The following RCAN2 variants were observed in gnomAD, a reference collection of about 807,000 sequenced individuals.
RCAN2 encodes regulator of calcineurin 2.
In RCAN2, 9 loss-of-function variants were observed where a neutral mutation model predicts 23.6. The ratio of observed to expected loss-of-function variants is 0.38; its 90% confidence interval spans 0.23 to 0.67. The LOEUF (loss-of-function observed/expected upper bound fraction) is 0.67. Among genes scored for constraint, RCAN2 ranks in the 30% least tolerant of loss-of-function variants. The pLI is 0.51. For synonymous variants in RCAN2, 109 were observed against 115.7 expected (o/e 0.94, Z 0.37); for missense variants, 273 against 302.3 (o/e 0.90, Z 0.72).
At chr6:46,365,813 T>C (rs771266594) in intron 2 of RCAN2, among the ~76,000 whole-genome samples, 10 of 152,326 alleles carry the variant, frequency 6.6e-5, no homozygotes, top group Non-Finnish European at 1.5e-4. Flanking sequence ...TAATTGACTA[T>C]AGTTTAGGAA....
At chr6:46,252,408 T>A (rs2150320666) in intron 2 of RCAN2, among the ~76,000 whole-genome samples, 1 of 152,312 alleles carries the variant, frequency 6.6e-6, no homozygotes, top group South Asian at 2.1e-4. Context: ...CGATCGTTAG[T>A]TCTCTTTGTA....
intron 2 of RCAN2, among the ~76,000 whole-genome samples, chr6:46,396,323 A>G (rs566115647): frequency 6.6e-6 from 1 of 152,282 alleles, no homozygotes; most frequent in South Asian, 2.1e-4. Flanking sequence ...GTTTGTTTGA[A>G]TGGTGCTCAG....
chr6:46,430,737 T>C (rs1213546223), intron 2 of RCAN2, among the ~76,000 whole-genome samples: 1 of 152,144 alleles, frequency 6.6e-6, no homozygotes, highest in Non-Finnish European at 1.5e-5. Context: ...CAATAGCAAA[T>C]TGGTTTCTTC....
chr6:46,304,663 G>T (rs1482445122), intron 2 of RCAN2, among the ~76,000 whole-genome samples: 6 of 152,120 alleles, frequency 3.9e-5, no homozygotes, highest in African/African-American at 1.2e-4. Flanking sequence ...CTGAGGCAGG[G>T]AGAAACTTAC....
At chr6:46,367,022 G>GAGATATATATATATATATATATATATAT in intron 2 of RCAN2, among the ~76,000 whole-genome samples, 1 of 59,676 alleles carries the variant, frequency 1.7e-5, no homozygotes, top group African/African-American at 4.8e-5. Context: ...ATCTGGGATG[G>GAGATATATATATATATATATATATATAT]ATATATATAT....
At chr6:46,354,471 T>C (rs1171772874) in intron 2 of RCAN2, among the ~76,000 whole-genome samples, 1 of 152,202 alleles carries the variant, frequency 6.6e-6, no homozygotes, top group Admixed American at 6.5e-5. Flanking sequence ...TGAGAGATGT[T>C]ACCACTGGAG....
At chr6:46,406,119 G>A (rs1212405729) in intron 2 of RCAN2, among the ~76,000 whole-genome samples, 2 of 152,104 alleles carry the variant, frequency 1.3e-5, no homozygotes, top group East Asian at 2.0e-4. Flanking sequence ...AGCGCTGCGC[G>A]CAGCCCCGGT....
chr6:46,297,713 T>C (rs983142874), intron 2 of RCAN2, among the ~76,000 whole-genome samples: 1 of 152,106 alleles, frequency 6.6e-6, no homozygotes, highest in Non-Finnish European at 1.5e-5. Context: ...CTGCAATTCT[T>C]TGAGTTGCTA....
chr6:46,287,315 C>G (rs574072401), intron 2 of RCAN2, among the ~76,000 whole-genome samples: 1 of 152,340 alleles, frequency 6.6e-6, no homozygotes, highest in South Asian at 2.1e-4. Context: ...AGAACTTGGT[C>G]TCCACTTTCT....
intron 2 of RCAN2, among the ~76,000 whole-genome samples, chr6:46,382,166 C>G (rs1291854521): frequency 2.6e-5 from 4 of 152,172 alleles, no homozygotes; most frequent in African/African-American, 9.6e-5. Context: ...GAGTTATTTA[C>G]ATTTTGGATA....
intron 2 of RCAN2, among the ~76,000 whole-genome samples, chr6:46,391,122 T>C (rs1765921372): frequency 6.6e-6 from 1 of 152,186 alleles, no homozygotes; most frequent in South Asian, 2.1e-4. Context: ...CTTGGGCAAG[T>C]TATACAATTG....
chr6:46,324,134 G>T (rs1197363444), intron 2 of RCAN2, among the ~76,000 whole-genome samples: 1 of 152,140 alleles, frequency 6.6e-6, no homozygotes, highest in African/African-American at 2.4e-5. Context: ...GCAGGACTGT[G>T]GGTCTCTGCA....
rs139488891 is a variant in RCAN2 at position 46,440,001 on chromosome 6, G to A, written c.225+16751C>T. ...CTGTTCCAAATTCTACAACTTGACGGAACATAATATCAACAAAAAGTAATC... is the reference window on the plus strand; with the variant it reads ...CTGTTCCAAATTCTACAACTTGACGAAACATAATATCAACAAAAAGTAATC... On this transcript the variant is annotated intron_variant, in intron 2 of 4. Coordinates refer to ENST00000371374, the MANE Select transcript of RCAN2 (RefSeq NM_001251974.2). Among the ~76,000 whole-genome samples the A allele has an allele frequency of 5.3e-5, 8 of 152,240 alleles. 1 individual carries two copies. In the East Asian group the frequency reaches 9.6e-4, roughly 18 times the overall value.
Position 46,456,844 on chromosome 6 carries a change from C to T in RCAN2, c.133G>A (p.Ala45Thr). 1 of 1,550,688 alleles carries T rather than the reference C, an allele frequency of 6.4e-7. No individual in the cohort carries two copies. Among genetic ancestry groups the T allele is most frequent in the South Asian group, 1.2e-5 (1 of 84,058 alleles). ...TTGAAGTCAGTGATTGCTTGAAAGG[C>T]TTCTTCTGCAAAACAACGAGTGACA... ...WAVTRCFAEE[A>T]FQAITDFNDL... The change falls in exon 2 of 5, where the codon GCC (alanine) becomes ACC (threonine). Residue 45 changes from alanine to threonine, a missense_variant. By Grantham distance (58) the Ala-to-Thr change is moderately conservative (BLOSUM62 0). Transcript: ENST00000371374.
intron 2 of RCAN2, among the ~76,000 whole-genome samples, chr6:46,314,301 G>A (rs980589301): frequency 6.9e-6 from 1 of 144,212 alleles, no homozygotes; most frequent in African/African-American, 2.6e-5. Context: ...GGCAGAGGTT[G>A]CAGTGAGCCG....
chr6:46,276,288 GA>G (rs953604366), intron 2 of RCAN2, among the ~76,000 whole-genome samples: 16 of 152,214 alleles, frequency 1.1e-4, no homozygotes, highest in African/African-American at 3.9e-4. Context: ...TACATCATGA[GA>G]GGTTTCCTCG....
chr6:46,273,838 G>A (rs375663845), intron 2 of RCAN2, among the ~76,000 whole-genome samples: 1 of 151,964 alleles, frequency 6.6e-6, no homozygotes, highest in Non-Finnish European at 1.5e-5. Flanking sequence ...CCTTTTTAGA[G>A]AGCTGTAAGA....
At chr6:46,432,403 G>T (rs2150417685) in intron 2 of RCAN2, among the ~76,000 whole-genome samples, 1 of 152,116 alleles carries the variant, frequency 6.6e-6, no homozygotes, top group East Asian at 1.9e-4. Context: ...AGTAGAGATG[G>T]AGTTTCTCCA....
intron 2 of RCAN2, among the ~76,000 whole-genome samples, chr6:46,430,968 G>A (rs995725499): frequency 6.6e-6 from 1 of 152,154 alleles, no homozygotes; most frequent in African/African-American, 2.4e-5. Flanking sequence ...ATGATCTCTG[G>A]CAGAGAAGAA....
Sources: allele counts gnomAD v4.1 joint callset (sites outside exome capture counted in the v4.1 genomes callset), GRCh38; gene constraint gnomAD v4.1.1; transcripts MANE v1.5; gene names NCBI Gene and HGNC (gene_info 2026-07-23, HGNC 2026-07-21).